The following ANPEP variants were observed in gnomAD, a reference collection of about 807,000 sequenced individuals.
ANPEP encodes alanyl aminopeptidase, membrane, also known as aminopeptidase N.
A neutral mutation model predicts 114.6 loss-of-function variants in ANPEP; 70 were observed. The ratio of observed to expected loss-of-function variants is 0.61; its 90% CI spans 0.50 to 0.75. The LOEUF (loss-of-function observed/expected upper bound fraction) is 0.75, where lower values mean the gene tolerates loss of function less well. Ranked by LOEUF, ANPEP falls within the 30% of genes least tolerant of loss-of-function variation. The pLI is 0.00. For synonymous variants in ANPEP, 548 were observed against 522.3 expected, an observed-to-expected ratio of 1.05 and a Z score of -0.67; for missense variants, 1,184 against 1,259.5, an observed-to-expected ratio of 0.94 and a Z score of 0.91.
chr15:89,800,847 C>G (rs1337569861), intron 12 of ANPEP, among the ~76,000 whole-genome samples: 1 of 152,172 alleles, frequency 6.6e-6, no homozygotes, highest in East Asian at 1.9e-4. Flanking sequence ...GCCACCATGC[C>G]TGGCCTAGGA....
In ANPEP at chr15:89,808,794, G is replaced by A. The variant is rs540463682; in HGVS notation, c.-223-1988C>T. 1.4e-4 allele frequency among the ~76,000 whole-genome samples: 22 copies of A among 152,334 alleles called. No individual in the cohort carries two copies. In the South Asian group the frequency reaches 2.9e-3, roughly 20 times the overall value. ...CACCCCTGCCACCCCTGAGCTTGCAGGAAGGCTTCTTAAATAAATGCAATG... is the reference window on the plus strand; with the variant it reads ...CACCCCTGCCACCCCTGAGCTTGCAAGAAGGCTTCTTAAATAAATGCAATG... On this transcript the variant is annotated intron_variant, in intron 1 of 20. Coordinates refer to ENST00000300060, the MANE Select transcript of ANPEP (RefSeq NM_001150.3).
intron 2 of ANPEP, 83 bp from the exon 3 acceptor site, chr15:89,805,546 A>T: frequency 6.4e-7 from 1 of 1,553,428 alleles, no homozygotes; most frequent in Admixed American, 1.9e-5. Context: ...CATGCAGGGA[A>T]AGGGGTACAT....
chr15:89,807,905 C>A (rs541068525), intron 1 of ANPEP, among the ~76,000 whole-genome samples: 16 of 152,288 alleles, frequency 1.1e-4, no homozygotes, highest in South Asian at 6.2e-4. Context: ...ATCCAATTCA[C>A]CCACATTCCC....
At chr15:89,790,820 C>T in intron 19 of ANPEP, 133 bp downstream of exon 19, 2 of 1,196,606 alleles carry the variant, frequency 1.7e-6, no homozygotes, top group South Asian at 1.5e-5. Flanking sequence ...TCCTGCCCCA[C>T]CCTAGCCCCC....
At chr15:89,812,968 C>T (rs998685900) in intron 1 of ANPEP, among the ~76,000 whole-genome samples, 2 of 152,072 alleles carry the variant, frequency 1.3e-5, no homozygotes, top group Non-Finnish European at 1.5e-5. Context: ...AACTTGTTAG[C>T]CAGGGAGTGC....
chr15:89,800,003 C>G (rs548232762), intron 12 of ANPEP, among the ~76,000 whole-genome samples: 1 of 152,078 alleles, frequency 6.6e-6, no homozygotes, highest in East Asian at 1.9e-4. Flanking sequence ...CCCTGTGGGT[C>G]CCCCTCCTCC....
chr15:89,792,534 C>T lies in ANPEP; in HGVS notation c.2278G>A (p.Ala760Thr), dbSNP rs768450800. Residue 760 changes from alanine (A) to threonine (T), a missense_variant, in exon 17 of 21, where the codon GCC (alanine) becomes ACC (threonine). Transcript: ENST00000300060. ...CACTCTGGAACTCCGTTGGAGCAGG[C>T]GGTGCTGATGGCATTAACCTCGCTG... ...QYSEVNAIST[A>T]CSNGVPECEE... The T allele has an allele frequency of 1.9e-6, 3 of 1,614,022 alleles. No individual in the cohort carries two copies. The highest frequency in any genetic ancestry group is 2.2e-5 in the East Asian group (1 of 44,888).
At position 89,789,066 on chromosome 15, in the gene ANPEP, G is replaced by A. The variant is rs532364286; in HGVS notation, c.2751+1394C>T. Among the ~76,000 whole-genome samples, 10 of 151,566 alleles carry A rather than the reference G, an allele frequency of 6.6e-5. 1 individual carries two copies. The highest frequency in any genetic ancestry group is 1.9e-4 in the African/African-American group (8 of 41,282). On this transcript the variant is annotated intron_variant, in intron 20 of 20. Coordinates refer to ENST00000300060, the MANE Select transcript of ANPEP (RefSeq NM_001150.3). Reference sequence around the variant, plus strand: ...ACAATCTTGGTTCACTGCAACCTCCGCCTCCTGGATTCAGGCAATTATTCT... The same window carrying A: ...ACAATCTTGGTTCACTGCAACCTCCACCTCCTGGATTCAGGCAATTATTCT...
In ANPEP at chr15:89,806,147, T is replaced by C; in HGVS notation, c.437A>G (p.Gln146Arg). ...RVVLRGVGGS[Q>R]PPDIDKTELV... ...CTCAGTCTTGTCAATGTCGGGGGGC[T>C]GGGAGCCTCCCACACCACGCAGGAC... Residue 146 changes from glutamine to arginine, a missense_variant, in exon 2 of 21, where the codon CAG becomes CGG. Coordinates refer to ENST00000300060, the MANE Select transcript of ANPEP (RefSeq NM_001150.3). This position sits in a 1 kb window ranked among gnomAD's most constrained non-coding sequence, Gnocchi z 5.7. The C allele has an allele frequency of 1.2e-6, 2 of 1,614,024 alleles. No individual in the cohort carries two copies. The highest frequency in any genetic ancestry group is 1.7e-6 in the Non-Finnish European group (2 of 1,179,970).
chr15:89,788,163 T>C (rs1223499310), intron 20 of ANPEP, among the ~76,000 whole-genome samples: 1 of 152,236 alleles, frequency 6.6e-6, no homozygotes, highest in Non-Finnish European at 1.5e-5. Flanking sequence ...AAAACATGTT[T>C]GTACAAAATT....
intron 1 of ANPEP, among the ~76,000 whole-genome samples, chr15:89,808,680 G>T (rs909681992): frequency 6.6e-6 from 1 of 152,238 alleles, no homozygotes; most frequent in South Asian, 2.1e-4. Flanking sequence ...GGCCGGACTC[G>T]TGCCAGGCCC....
intron 6 of ANPEP, 100 bp downstream of exon 6, chr15:89,804,153 C>T (rs188149224): frequency 1.3e-6 from 2 of 1,576,042 alleles, no homozygotes; most frequent in Non-Finnish European, 8.7e-7. Flanking sequence ...CAGGCGGCAC[C>T]CTCCTCCCTT....
chr15:89,800,565 T>C (rs1894567260), intron 12 of ANPEP, among the ~76,000 whole-genome samples: 2 of 149,816 alleles, frequency 1.3e-5, no homozygotes, highest in South Asian at 4.2e-4. Context: ...CCTTTTTTTT[T>C]TTTTTTTTTT....
chr15:89,803,446 AG>A lies in ANPEP; in HGVS notation c.1498del (p.Leu500TrpfsTer16), dbSNP rs1567160149. The A allele has an allele frequency of 6.2e-7, 1 of 1,606,018 alleles. No individual in the cohort carries two copies. Among genetic ancestry groups the A allele is most frequent in the African/African-American group, 1.3e-5 (1 of 74,730 alleles). On this transcript the variant is annotated frameshift_variant, in exon 9 of 21. Transcript: ENST00000300060. LOFTEE classifies it high-confidence loss of function. This position sits in a 1 kb window ranked among gnomAD's most constrained non-coding sequence, Gnocchi z 4.2. ...GGCCCAGGGTGCAGTACTCACCGCC[AG>A]GCCCTGCTTGAATACGTCCTCGGAC... ...FLSEDVFKQGLASYLHTFAYQ... is the reference protein window; with the variant it reads ...FLSEDVFKQGXASYLHTFAYQ...
At chr15:89,785,686 G>A (rs928473903) in intron 20 of ANPEP, among the ~76,000 whole-genome samples, 185 bp from the exon 21 acceptor site, 2 of 152,214 alleles carry the variant, frequency 1.3e-5, no homozygotes, top group Non-Finnish European at 2.9e-5. Context: ...CACAGAGGTT[G>A]CAAAATGACA....
intron 16 of ANPEP, 125 bp downstream of exon 16, chr15:89,792,909 TG>T (rs1968659977): frequency 4.7e-6 from 4 of 845,976 alleles, no homozygotes; most frequent in Non-Finnish European, 7.7e-6. Context: ...TCCCTGCTCC[TG>T]GGTGGGGGTC....
intron 12 of ANPEP, among the ~76,000 whole-genome samples, chr15:89,800,800 G>A (rs1399901961): frequency 2.6e-5 from 4 of 152,030 alleles, no homozygotes; most frequent in African/African-American, 7.3e-5. Context: ...ACCCCAGGTC[G>A]CCTCGGCCTC....
intron 12 of ANPEP, among the ~76,000 whole-genome samples, chr15:89,800,033 G>A (rs1894555682): frequency 6.6e-6 from 1 of 152,048 alleles, no homozygotes. Flanking sequence ...CTCATACTTT[G>A]TTTCAGCAGC....
chr15:89,797,005 G>A (rs540721015), intron 15 of ANPEP, among the ~76,000 whole-genome samples: 1 of 152,298 alleles, frequency 6.6e-6, no homozygotes, highest in Admixed American at 6.5e-5. Context: ...ATAAGCTCGA[G>A]TTTCCTTTTG....
Sources: allele counts gnomAD v4.1 joint callset (sites outside exome capture counted in the v4.1 genomes callset), GRCh38; gene constraint gnomAD v4.1.1; non-coding constraint Gnocchi (gnomAD v3.1); transcripts MANE v1.5; gene names NCBI Gene and HGNC (gene_info 2026-07-23, HGNC 2026-07-21).